Variants in CARNMT1 observed in about 807,000 individuals in gnomAD.
CARNMT1 encodes the protein carnosine N-methyltransferase 1, also known as protein-L-histidine N-pros-methyltransferase CARNMT1.
In CARNMT1, 28 loss-of-function variants were observed where a neutral mutation model predicts 49.6. That is an observed-to-expected ratio of 0.56 (90% CI 0.42 to 0.77). The LOEUF (loss-of-function observed/expected upper bound fraction) is 0.77. Among genes scored for constraint, CARNMT1 ranks in the 30% least tolerant of loss-of-function variants. CARNMT1 has a pLI of 0.00. For missense variants in CARNMT1, 421 were observed against 512.6 expected (o/e 0.82, Z 1.73); for synonymous variants, 178 against 175.0 (o/e 1.02, Z -0.13).
intron 1 of CARNMT1, chr9:75,027,541 A>G: frequency 1.1e-6 from 1 of 897,334 alleles, no homozygotes; most frequent in South Asian, 5.1e-5. Flanking sequence ...TCTTACAAGC[A>G]CTGGTAACAG....
In CARNMT1 at chr9:74,998,683, G is replaced by A; in HGVS notation, c.825C>T (p.Phe275=). 1 of 1,608,724 alleles carries A rather than the reference G, an allele frequency of 6.2e-7. No individual in the cohort carries two copies. The highest frequency in any genetic ancestry group is 8.5e-7 in the Non-Finnish European group (1 of 1,177,174). The stretch of plus-strand genomic sequence containing the variant: ...GAAGACTGTGGGGGTCAACATCAGG[G>A]AAAAAGATGGGTCGAATCTGATCAG... The part of the protein sequence containing the change: ...RSADQIRPIF[F]PDVDPHSLPP... Residue 275 remains phenylalanine, a synonymous_variant, in exon 5 of 8, where the codon TTC becomes TTT. Coordinates refer to ENST00000376834, the MANE Select transcript of CARNMT1 (RefSeq NM_152420.3).
At chr9:75,012,045 T>C (rs1281526599) in intron 3 of CARNMT1, among the ~76,000 whole-genome samples, 7 of 152,092 alleles carry the variant, frequency 4.6e-5, no homozygotes, top group Non-Finnish European at 1.0e-4. Context: ...AATCAATGTG[T>C]TATGCAGCAA....
At chr9:74,993,307 C>T (rs1359664327) in intron 6 of CARNMT1, among the ~76,000 whole-genome samples, 2 of 152,106 alleles carry the variant, frequency 1.3e-5, no homozygotes, top group Non-Finnish European at 2.9e-5. Flanking sequence ...AAGGACTAAC[C>T]AAGGGAAAAC....
intron 1 of CARNMT1, among the ~76,000 whole-genome samples, chr9:75,021,081 AATT>A: frequency 6.6e-6 from 1 of 152,038 alleles, no homozygotes; most frequent in South Asian, 2.1e-4. Context: ...AGATCTTCAT[AATT>A]AGGTAGGTAG....
intron 6 of CARNMT1, 22 bp downstream of exon 6, chr9:74,996,425 T>A (rs1295454158): frequency 7.7e-7 from 1 of 1,290,402 alleles, no homozygotes; most frequent in African/African-American, 1.5e-5. Context: ...TACAAAATTT[T>A]AGTAAATACT....
rs901517240 is a variant in CARNMT1 at position 74,982,657 on chromosome 9, T to C, written c.*1110A>G. On this transcript the variant is annotated 3_prime_UTR_variant, in exon 8 of 8. Coordinates refer to ENST00000376834, the MANE Select transcript of CARNMT1 (RefSeq NM_152420.3). Reference sequence around the variant, plus strand: ...TTAATACTATTATGACAGTTTTTCCTAGTATATAATTTTTTTAATGAAAAA... The same window carrying C: ...TTAATACTATTATGACAGTTTTTCCCAGTATATAATTTTTTTAATGAAAAA... The C allele has an allele frequency of 6.6e-6, 1 of 152,194 alleles. No individual in the cohort carries two copies. The highest frequency in any genetic ancestry group is 2.4e-5 in the African/African-American group (1 of 41,456). The allele number at this position is 152,194 out of a possible 1,614,324, so 9.4% of individuals were successfully genotyped here.
At chr9:75,024,924 TTGTA>T (rs148272641) in intron 1 of CARNMT1, among the ~76,000 whole-genome samples, 1,938 of 152,326 alleles carry the variant, frequency 0.013, 48 homozygotes, top group African/African-American at 0.044. Flanking sequence ...GACAGATATG[TTGTA>T]TGTTAATATA....
At chr9:75,017,144 G>A (rs1833878123) in intron 2 of CARNMT1, 109 bp downstream of exon 2, 1 of 784,232 alleles carries the variant, frequency 1.3e-6, no homozygotes, top group African/African-American at 1.8e-5. Flanking sequence ...TTTCTGAGTA[G>A]AGCAAATAGC....
At chr9:75,027,816 G>A (rs1822574827) in intron 1 of CARNMT1, among the ~76,000 whole-genome samples, 196 bp downstream of exon 1, 2 of 152,182 alleles carry the variant, frequency 1.3e-5, no homozygotes, top group African/African-American at 2.4e-5. Flanking sequence ...CGGCGCGGCG[G>A]ACACGCGGGT....
intron 1 of CARNMT1, among the ~76,000 whole-genome samples, chr9:75,021,314 AC>A (rs1261965720): frequency 6.9e-6 from 1 of 145,524 alleles, no homozygotes; most frequent in Non-Finnish European, 1.5e-5. Context: ...CTATATACAT[AC>A]CATATATATT....
chr9:75,021,901 G>A (rs1482808825), intron 1 of CARNMT1, among the ~76,000 whole-genome samples: 1 of 151,970 alleles, frequency 6.6e-6, no homozygotes, highest in East Asian at 1.9e-4. Flanking sequence ...TTGTGTCACT[G>A]CACTACAGGC....
intron 6 of CARNMT1, among the ~76,000 whole-genome samples, chr9:74,990,964 T>A (rs2118763482): frequency 6.6e-6 from 1 of 152,152 alleles, no homozygotes. Context: ...ACATAAAGAT[T>A]GCCACAAAAA....
At chr9:75,010,344 T>TG (rs1419567269) in intron 3 of CARNMT1, 1 of 152,182 alleles carries the variant, frequency 6.6e-6, no homozygotes, top group Admixed American at 6.6e-5. Flanking sequence ...AGGCTGGTCT[T>TG]GAACTCCTGA....
intron 3 of CARNMT1, chr9:75,010,077 A>AT (rs1420489570): frequency 1.3e-5 from 2 of 149,278 alleles, no homozygotes. Flanking sequence ...AGTATAAGAG[A>AT]TAAAAAAAAC....
chr9:75,021,315 C>A (rs1822348394), intron 1 of CARNMT1, among the ~76,000 whole-genome samples: 1 of 142,944 alleles, frequency 7.0e-6, no homozygotes, highest in African/African-American at 2.6e-5. Flanking sequence ...TATATACATA[C>A]CATATATATT....
At position 74,989,854 on chromosome 9, in the gene CARNMT1, G is replaced by A. The variant is rs1832962788; in HGVS notation, c.1025-4844C>T. Reference sequence around the variant, plus strand: ...AGAAAAGCAAGAGAAAGCAGAAAATGACCTGCAAAGACTTGAGATGTCAGA... The same window carrying A: ...AGAAAAGCAAGAGAAAGCAGAAAATAACCTGCAAAGACTTGAGATGTCAGA... On this transcript the variant is annotated intron_variant, in intron 6 of 7. Coordinates refer to ENST00000376834, the MANE Select transcript of CARNMT1 (RefSeq NM_152420.3). 2.6e-5 allele frequency among the ~76,000 whole-genome samples: 4 copies of A among 152,284 alleles called. No individual in the cohort carries two copies. The South Asian group carries it at 8.3e-4, about 32-fold the overall frequency.
chr9:74,998,283 T>TA, intron 5 of CARNMT1, among the ~76,000 whole-genome samples: 1 of 152,342 alleles, frequency 6.6e-6, no homozygotes, highest in East Asian at 1.9e-4. Context: ...ATAGCCTCAC[T>TA]ATGAACAGCT....
chr9:75,020,488 G>C (rs1373031608), intron 1 of CARNMT1, among the ~76,000 whole-genome samples: 1 of 151,876 alleles, frequency 6.6e-6, no homozygotes, highest in African/African-American at 2.4e-5. Flanking sequence ...GGATGGTCTC[G>C]ATCTCTTGAC....
chr9:75,027,925 G>GCCGGA, intron 1 of CARNMT1, 87 bp downstream of exon 1: 1 of 1,377,470 alleles, frequency 7.3e-7, no homozygotes, highest in Non-Finnish European at 9.5e-7. Context: ...GTGGCGGCGG[G>GCCGGA]ACGGCGAGCG....
Sources: allele counts gnomAD v4.1 joint callset (sites outside exome capture counted in the v4.1 genomes callset), GRCh38; gene constraint gnomAD v4.1.1; transcripts MANE v1.5; gene names NCBI Gene and HGNC (gene_info 2026-07-23, HGNC 2026-07-21).